The following NT5C1A variants were observed in gnomAD, a reference collection of about 807,000 sequenced individuals.
NT5C1A encodes cytosolic 5'-nucleotidase 1A.
NT5C1A carries 18 observed loss-of-function variants against 31.0 expected under a neutral mutation model. The ratio of observed to expected loss-of-function variants is 0.58; its 90% CI spans 0.40 to 0.86. The LOEUF (loss-of-function observed/expected upper bound fraction) is 0.86, where lower values mean the gene tolerates loss of function less well. Ranked by LOEUF, NT5C1A falls within the 40% of genes least tolerant of loss-of-function variation. The probability of loss-of-function intolerance (pLI) is 0.00; values close to 1 mark genes in which losing one functional copy is unlikely to be tolerated. For synonymous variants in NT5C1A, 185 were observed against 203.6 expected, an observed-to-expected ratio of 0.91 and a Z score of 0.78; for missense variants, 470 against 505.4, an observed-to-expected ratio of 0.93 and a Z score of 0.67.
intron 1 of NT5C1A, among the ~76,000 whole-genome samples, chr1:39,669,128 G>A (rs1289934238): frequency 6.6e-6 from 1 of 152,202 alleles, no homozygotes; most frequent in Non-Finnish European, 1.5e-5. Context: ...TGACTCAAGG[G>A]CTCACTCTGG....
Position 39,651,917 on chromosome 1 carries a change from G to C in NT5C1A, c.*7204C>G, listed in dbSNP as rs1570452485. Among the ~76,000 whole-genome samples, 1 of 151,312 alleles carries C rather than the reference G, an allele frequency of 6.6e-6. No individual in the cohort carries two copies. The highest frequency in any genetic ancestry group is 1.9e-4 in the East Asian group (1 of 5,158). On this transcript the variant is annotated 3_prime_UTR_variant, in exon 6 of 6. Coordinates refer to ENST00000235628, the MANE Select transcript of NT5C1A (RefSeq NM_032526.3). ...ATGGTGGCGGGCACCTGTAATCCCAGCTACTCAGGAAGCTGAGGCAGGAGA... is the reference window on the plus strand; with the variant it reads ...ATGGTGGCGGGCACCTGTAATCCCACCTACTCAGGAAGCTGAGGCAGGAGA...
chr1:39,671,792 G>C (rs1246555474), intron 1 of NT5C1A, 112 bp downstream of exon 1: 2 of 1,285,784 alleles, frequency 1.6e-6, no homozygotes, highest in East Asian at 5.0e-5. Flanking sequence ...TGGGGCTGAG[G>C]AGCTGCGTCC....
In NT5C1A at chr1:39,652,458, A is replaced by G. The variant is rs373990332; in HGVS notation, c.*6663T>C. On this transcript the variant is annotated 3_prime_UTR_variant, in exon 6 of 6. Coordinates refer to ENST00000235628, the MANE Select transcript of NT5C1A (RefSeq NM_032526.3). ...GTGAAGAACTGGCTTAATCCTCTCC[A>G]CTCATTTATGTTTCCTGCCTCGCCC... 6.6e-6 allele frequency among the ~76,000 whole-genome samples: 1 copy of G among 151,526 alleles called. No individual in the cohort carries two copies. Among genetic ancestry groups the G allele is most frequent in the Non-Finnish European group, 1.5e-5 (1 of 67,930 alleles).
rs1351296350 is a variant in NT5C1A at position 39,663,378 on chromosome 1, T to C, written c.490A>G (p.Lys164Glu). 6.2e-7 allele frequency: 1 copy of C among 1,614,068 alleles called. No individual in the cohort carries two copies. Among genetic ancestry groups the C allele is most frequent in the Admixed American group, 1.7e-5 (1 of 60,016 alleles). Residue 164 changes from lysine to glutamate, a missense_variant, in exon 4 of 6, where the codon AAG (lysine) becomes GAG (glutamate). Coordinates refer to ENST00000235628, the MANE Select transcript of NT5C1A (RefSeq NM_032526.3). The stretch of plus-strand genomic sequence containing the variant: ...AAGTAGAGGTTGGTGTGATAGGCCT[T>C]GAGGTAGCAGATCGGGCTGTTCCCA... Reference protein sequence around the residue: ...TGGNSPICYLKAYHTNLYLSA... With the variant: ...TGGNSPICYLEAYHTNLYLSA...
In NT5C1A at chr1:39,654,509, G is replaced by T. The variant is rs1646449916; in HGVS notation, c.*4612C>A. Among the ~76,000 whole-genome samples, 1 of 152,346 alleles carries T rather than the reference G, an allele frequency of 6.6e-6. No individual in the cohort carries two copies. Among genetic ancestry groups the T allele is most frequent in the South Asian group, 2.1e-4 (1 of 4,828 alleles). ...CGGGAATACAAAGCCATGCTGGACA[G>T]CCAGCTGGGCTCATCCCCAGCCAAG... On this transcript the variant is annotated 3_prime_UTR_variant, in exon 6 of 6. Transcript: ENST00000235628.
intron 3 of NT5C1A, 106 bp from the exon 4 acceptor site, chr1:39,663,540 C>T: frequency 8.7e-7 from 1 of 1,144,718 alleles, no homozygotes. Flanking sequence ...TGTGGTACGG[C>T]AGCACAGCGT....
In NT5C1A at chr1:39,658,971, C is replaced by A; in HGVS notation, c.*150G>T. The A allele has an allele frequency of 8.8e-7, 1 of 1,132,216 alleles. No individual in the cohort carries two copies. The highest frequency in any genetic ancestry group is 1.2e-6 in the Non-Finnish European group (1 of 808,700). The allele number at this position is 1,132,216 out of a possible 1,614,324, so 70.1% of individuals were successfully genotyped here. On this transcript the variant is annotated 3_prime_UTR_variant, in exon 6 of 6. Transcript: ENST00000235628. ...ATGTTGAGAATGCCAGACCCGTCTG[C>A]ATAATTTCCTACAAGTACATCACTC...
chr1:39,661,033 G>A, intron 5 of NT5C1A, 46 bp downstream of exon 5: 1 of 1,211,542 alleles, frequency 8.3e-7, no homozygotes, highest in Middle Eastern at 2.2e-4. Context: ...GCAGGTCTGG[G>A]GAGCTGCCTT....
intron 1 of NT5C1A, 150 bp downstream of exon 1, chr1:39,671,754 G>C: frequency 2.2e-6 from 2 of 917,726 alleles, no homozygotes; most frequent in Non-Finnish European, 3.3e-6. Context: ...AAATAAACCC[G>C]AGCCCGCGCC....
rs1216258492 is a variant in NT5C1A, at chr1:39,655,939, T to C, written c.*3182A>G. On this transcript the variant is annotated 3_prime_UTR_variant, in exon 6 of 6. Coordinates refer to ENST00000235628, the MANE Select transcript of NT5C1A (RefSeq NM_032526.3). ...GAGTGTCATTATAATGCCAAATCCA[T>C]CTTGGCTTTGAACTTCTTGCTAGTT... Among the ~76,000 whole-genome samples, 1 of 152,152 alleles carries C rather than the reference T, an allele frequency of 6.6e-6. No homozygotes were observed. Among genetic ancestry groups the C allele is most frequent in the Non-Finnish European group, 1.5e-5 (1 of 68,014 alleles).
rs1646477515 is a variant in NT5C1A at position 39,659,213 on chromosome 1, C to T, written c.1015G>A (p.Glu339Lys). Reference protein sequence around the residue: ...DQMFHVAGAQEMGTVAAHVPY... With the variant: ...DQMFHVAGAQKMGTVAAHVPY... The stretch of plus-strand genomic sequence containing the variant: ...ACATGGGCGGCCACAGTGCCCATCT[C>T]CTGAGCCCCAGCCACATGGAACATC... The change falls in exon 6 of 6, where the codon GAG becomes AAG. Residue 339 changes from glutamate to lysine, a missense_variant. Glu to Lys is a moderately conservative substitution (Grantham distance 56). Coordinates refer to ENST00000235628, the MANE Select transcript of NT5C1A (RefSeq NM_032526.3). 1.2e-6 allele frequency: 2 copies of T among 1,614,110 alleles called. No individual in the cohort carries two copies. Among genetic ancestry groups the T allele is most frequent in the Non-Finnish European group, 1.7e-6 (2 of 1,180,046 alleles).
In NT5C1A at chr1:39,656,250, G is replaced by A. The variant is rs1363011970; in HGVS notation, c.*2871C>T. Among the ~76,000 whole-genome samples the A allele has an allele frequency of 6.6e-6, 1 of 152,142 alleles. No individual in the cohort carries two copies. The highest frequency in any genetic ancestry group is 1.5e-5 in the Non-Finnish European group (1 of 68,030). ...CCTCAGTGCTGCATTCCCTGGTTAG[G>A]CCTGGGACTTTGGTGTTCACCTGGC... On this transcript the variant is annotated 3_prime_UTR_variant, in exon 6 of 6. Transcript: ENST00000235628.
rs1462723867 is a variant in NT5C1A, at chr1:39,652,140, A to G, written c.*6981T>C. Among the ~76,000 whole-genome samples, 1 of 150,686 alleles carries G rather than the reference A, an allele frequency of 6.6e-6. No individual in the cohort carries two copies. The highest frequency in any genetic ancestry group is 2.4e-5 in the African/African-American group (1 of 40,958). Reference sequence around the variant, plus strand: ...CATCTCTGAGGTCTCTTAAATATCCATCACTGAGAATCTGAGTGTAATATC... The same window carrying G: ...CATCTCTGAGGTCTCTTAAATATCCGTCACTGAGAATCTGAGTGTAATATC... On this transcript the variant is annotated 3_prime_UTR_variant, in exon 6 of 6. Coordinates refer to ENST00000235628, the MANE Select transcript of NT5C1A (RefSeq NM_032526.3).
chr1:39,661,044 G>A (rs533856952), intron 5 of NT5C1A, 35 bp downstream of exon 5: 2 of 1,385,698 alleles, frequency 1.4e-6, no homozygotes, highest in African/African-American at 1.4e-5. Context: ...GAGCTGCCTT[G>A]TTCCTCTCAG....
intron 5 of NT5C1A, among the ~76,000 whole-genome samples, chr1:39,660,704 G>A (rs1646488804): frequency 6.6e-6 from 1 of 152,118 alleles, no homozygotes; most frequent in Non-Finnish European, 1.5e-5. Flanking sequence ...AGAGAGACAG[G>A]ATGAGGCCTT....
Position 39,659,416 on chromosome 1 carries a change from A to T in NT5C1A, c.812T>A (p.Leu271Gln). ...QKKFYSKGLR[L>Q]ECPIRTYLVT... ...CAAGTAGGTACGAATTGGGCACTCC[A>T]GCCGCAGGCCTTTGGAGTAGAACTT... Residue 271 changes from leucine to glutamine, a missense_variant, in exon 6 of 6, where the codon CTG becomes CAG. Coordinates refer to ENST00000235628, the MANE Select transcript of NT5C1A (RefSeq NM_032526.3). 6.2e-7 allele frequency: 1 copy of T among 1,613,038 alleles called. No individual in the cohort carries two copies. The highest frequency in any genetic ancestry group is 1.1e-5 in the South Asian group (1 of 91,022).
intron 3 of NT5C1A, among the ~76,000 whole-genome samples, chr1:39,665,205 A>G (rs76165565): frequency 0.036 from 5,433 of 152,268 alleles, 309 homozygotes; most frequent in African/African-American, 0.12. Flanking sequence ...TCACACGGAG[A>G]GTGGGGTGTG....
rs1467450921 is a variant in NT5C1A, at chr1:39,657,313, TCTCTTACC to T, written c.*1800_*1807del. On this transcript the variant is annotated 3_prime_UTR_variant, in exon 6 of 6. Transcript: ENST00000235628. ...CTCCTTCCTGGAATATCTTTCTGCA[TCTCTTACC>T]CTGCCCCACACTGCACAGAACCTGT... Among the ~76,000 whole-genome samples the T allele has an allele frequency of 6.6e-6, 1 of 152,196 alleles. No homozygotes were observed. Among genetic ancestry groups the T allele is most frequent in the Admixed American group, 6.5e-5 (1 of 15,284 alleles).
intron 3 of NT5C1A, among the ~76,000 whole-genome samples, chr1:39,663,972 A>G (rs918232845): frequency 1.3e-5 from 2 of 152,102 alleles, no homozygotes; most frequent in Admixed American, 6.5e-5. Flanking sequence ...CTGCTTCAGC[A>G]CTATAGGGAG....
Sources: gnomAD v4.1 joint callset for allele counts (sites outside exome capture counted in the v4.1 genomes callset) on GRCh38, gnomAD v4.1.1 for gene constraint, MANE v1.5 for transcripts, NCBI Gene and HGNC (gene_info 2026-07-23, HGNC 2026-07-21) for gene names.